GREB1: variants seen among roughly 807,000 people sequenced by gnomAD.
The protein encoded by GREB1 is growth regulating estrogen receptor binding 1.
A neutral mutation model predicts 200.7 loss-of-function variants in GREB1; 106 were observed. The ratio of observed to expected loss-of-function variants is 0.53; its 90% CI spans 0.45 to 0.62. The LOEUF is 0.62. Ranked by LOEUF, GREB1 falls within the 20% of genes least tolerant of loss-of-function variation. The probability of loss-of-function intolerance (pLI) is 0.00; values close to 1 mark genes in which losing one functional copy is unlikely to be tolerated. For synonymous variants in GREB1, 1,132 were observed against 1,092.4 expected, an observed-to-expected ratio of 1.04 and a Z score of -0.72; for missense variants, 2,243 against 2,556.8, an observed-to-expected ratio of 0.88 and a Z score of 2.65.
intron 18 of GREB1, among the ~76,000 whole-genome samples, chr2:11,612,062 C>T (rs770490230): frequency 2.6e-5 from 4 of 152,060 alleles, no homozygotes; most frequent in Non-Finnish European, 4.4e-5. Context: ...GATGGGGTGG[C>T]GTGCGCCTGT....
Position 11,596,173 on chromosome 2 carries a change from T to G in GREB1, c.1888T>G (p.Ser630Ala). 6.2e-7 allele frequency: 1 copy of G among 1,613,704 alleles called. No individual in the cohort carries two copies. ...GGAAAATCAAGGCCATATTTCTTCC[T>G]CACTCGCTGCCTCTTCTGTCACTAA... is the stretch of plus-strand genomic sequence containing the variant. ...HQENQGHISSSLAASSVTKAA... is the reference protein window; with the variant it reads ...HQENQGHISSALAASSVTKAA... Residue 630 changes from serine to alanine, a missense_variant, in exon 13 of 33, where the codon TCA becomes GCA. Ser to Ala is a moderately conservative substitution (Grantham distance 99, BLOSUM62 1). This residue lies in a region of GREB1 where 1,178 missense variants were observed against 1,387.4 expected (regional missense o/e 0.85). Transcript: ENST00000381486.
intron 1 of GREB1, among the ~76,000 whole-genome samples, chr2:11,528,628 A>G (rs576433258): frequency 7.9e-5 from 12 of 152,184 alleles, no homozygotes; most frequent in Non-Finnish European, 1.0e-4. Context: ...CAGCCTCCCA[A>G]GTAGAATATT....
chr2:11,527,816 G>T (rs750673624), intron 1 of GREB1, among the ~76,000 whole-genome samples: 4 of 152,206 alleles, frequency 2.6e-5, no homozygotes, highest in Non-Finnish European at 5.9e-5. Flanking sequence ...AGTGCAGGAG[G>T]CCTGGGAGGG....
chr2:11,571,307 T>C (rs1461022609), intron 4 of GREB1, among the ~76,000 whole-genome samples: 3 of 152,018 alleles, frequency 2.0e-5, no homozygotes, highest in African/African-American at 7.2e-5. Context: ...GAACATAGAG[T>C]TGCTGTTCAG....
Position 11,566,598 on chromosome 2 carries a change from G to A in GREB1, c.396G>A (p.Leu132=), listed in dbSNP as rs953642936. The A allele has an allele frequency of 6.2e-7, 1 of 1,614,002 alleles. No individual in the cohort carries two copies. Among genetic ancestry groups the A allele is most frequent in the Admixed American group, 1.7e-5 (1 of 59,994 alleles). The change falls in exon 4 of 33, where the codon CTG becomes CTA. Residue 132 remains leucine (L), a synonymous_variant. Transcript: ENST00000381486. Reference sequence around the variant, plus strand: ...CCCCCAGCCTGCCGGACCATCTCCTGGTGTGCGCCGTTGACAAGAGGTTCT... The same window carrying A: ...CCCCCAGCCTGCCGGACCATCTCCTAGTGTGCGCCGTTGACAAGAGGTTCT... ...VKSPSLPDHL[L]VCAVDKRFLP... is the part of the protein sequence containing the mutation.
At chr2:11,638,930 G>C in intron 32 of GREB1, 121 bp downstream of exon 32, 1 of 1,034,638 alleles carries the variant, frequency 9.7e-7, no homozygotes, top group Non-Finnish European at 1.4e-6. Context: ...GGATCAGAGA[G>C]GGAAGTGACT....
chr2:11,544,939 C>T (rs1025704428), intron 1 of GREB1, among the ~76,000 whole-genome samples: 1 of 152,180 alleles, frequency 6.6e-6, no homozygotes, highest in South Asian at 2.1e-4. Context: ...CTCAGCCTCC[C>T]GAGTAGTGAG....
chr2:11,518,263 A>C (rs1369891688), intron 1 of GREB1, among the ~76,000 whole-genome samples: 1 of 152,204 alleles, frequency 6.6e-6, no homozygotes, highest in East Asian at 1.9e-4. Flanking sequence ...ATGACTTTGC[A>C]ATCATTGAAA....
At chr2:11,602,357 G>A (rs375441021) in intron 16 of GREB1, 49 bp from the exon 17 acceptor site, 53 of 1,578,534 alleles carry the variant, frequency 3.4e-5, no homozygotes, top group South Asian at 1.0e-4. Context: ...ACCTCTGACC[G>A]TCCCTGCGAA....
intron 3 of GREB1, chr2:11,562,822 C>T: frequency 2.6e-6 from 1 of 381,240 alleles, no homozygotes; most frequent in Non-Finnish European, 4.7e-6. Context: ...CTCTGTGCCA[C>T]TCTTTGGACA....
chr2:11,577,280 C>T (rs1461497597), intron 5 of GREB1, among the ~76,000 whole-genome samples: 2 of 152,222 alleles, frequency 1.3e-5, no homozygotes, highest in East Asian at 3.9e-4. Context: ...CAGGGTATGG[C>T]CGAATATTCT....
chr2:11,593,362 G>T (rs57439315), intron 11 of GREB1, among the ~76,000 whole-genome samples: 54,607 of 152,062 alleles, frequency 0.36, 9,996 homozygotes, highest in Admixed American at 0.46. Flanking sequence ...GCTTGGGAAT[G>T]TGGAAAGACC....
rs1338218066 is a variant in GREB1, at chr2:11,593,078, A to G, written c.1648A>G (p.Ile550Val). The G allele has an allele frequency of 6.2e-7, 1 of 1,611,170 alleles. No individual in the cohort carries two copies. Among genetic ancestry groups the G allele is most frequent in the African/African-American group, 1.3e-5 (1 of 74,944 alleles). The part of the protein sequence containing the change: ...KLAKTNYVVI[I>V]CACRSAAIDS... The stretch of plus-strand genomic sequence containing the variant: ...TGCCAAGACCAACTACGTGGTCATC[A>G]TCTGCGCCTGCCGCAGCGCGGCCAT... Residue 550 changes from isoleucine (I) to valine (V), a missense_variant, in exon 11 of 33, where the codon ATC becomes GTC. This residue lies in a region of GREB1 where 1,178 missense variants were observed against 1,387.4 expected (regional missense o/e 0.85). Transcript: ENST00000381486.
chr2:11,593,262 G>C (rs2148188484), intron 11 of GREB1, 136 bp downstream of exon 11: 1 of 603,092 alleles, frequency 1.7e-6, no homozygotes, highest in Non-Finnish European at 2.8e-6. Context: ...TTTGTGCTCA[G>C]TAGCTGGCTT....
At chr2:11,615,315 A>G (rs575668083) in intron 20 of GREB1, 25 bp downstream of exon 20, 21 of 1,541,904 alleles carry the variant, frequency 1.4e-5, no homozygotes, top group Non-Finnish European at 1.8e-5. Context: ...CCCTCAGCCT[A>G]CTTGTCCCTG....
chr2:11,641,998 A>G lies in GREB1; in HGVS notation c.*1544A>G, dbSNP rs1685842771. On this transcript the variant is annotated 3_prime_UTR_variant, in exon 33 of 33. Transcript: ENST00000381486. ...CACAGTTCAAAGTTCTGGCTTCTGG[A>G]CTCTGCAGTCCAGGTCTCCCTTCTC... The G allele has an allele frequency of 6.6e-6, 1 of 152,094 alleles. No individual in the cohort carries two copies. The highest frequency in any genetic ancestry group is 1.5e-5 in the Non-Finnish European group (1 of 68,036). 9.4% of individuals were successfully genotyped at this position (152,094 alleles called of 1,614,324 possible).
At chr2:11,525,871 C>G (rs1673856085) in intron 1 of GREB1, among the ~76,000 whole-genome samples, 1 of 152,172 alleles carries the variant, frequency 6.6e-6, no homozygotes. Context: ...ATTGCTTTCC[C>G]CATGCTCTGC....
chr2:11,585,499 C>A (rs1005076648), intron 8 of GREB1, among the ~76,000 whole-genome samples: 12 of 152,234 alleles, frequency 7.9e-5, no homozygotes, highest in Non-Finnish European at 1.0e-4. Flanking sequence ...AGTGAGTTCT[C>A]TGATCCTTGA....
At chr2:11,587,693 TAAC>T (rs1277423980) in intron 9 of GREB1, 12 of 980,244 alleles carry the variant, frequency 1.2e-5, no homozygotes, top group South Asian at 2.2e-5. Flanking sequence ...GAGTACAAGA[TAAC>T]ACACACACAC....
Sources: allele counts gnomAD v4.1 joint callset (sites outside exome capture counted in the v4.1 genomes callset), GRCh38; gene constraint gnomAD v4.1.1; regional missense constraint gnomAD v4.1.1; transcripts MANE v1.5; gene names NCBI Gene and HGNC (gene_info 2026-07-23, HGNC 2026-07-21).